The following RAB3C variants were observed in gnomAD, a reference collection of about 807,000 sequenced individuals.
The protein encoded by RAB3C is ras-related protein Rab-3C.
Under a neutral mutation model 26.4 loss-of-function variants are expected in RAB3C, and 17 were observed. That is an observed-to-expected ratio of 0.64 (90% CI 0.44 to 0.97). The LOEUF is 0.97. RAB3C is among the 50% of genes least tolerant of loss of function. The pLI, the probability that RAB3C is intolerant of heterozygous loss-of-function variation, is 0.00. For synonymous variants in RAB3C, 91 were observed against 95.9 expected, an observed-to-expected ratio of 0.95 and a Z score of 0.30; for missense variants, 242 against 281.9, an observed-to-expected ratio of 0.86 and a Z score of 1.01.
chr5:58,635,801 C>T (rs1328838608), intron 2 of RAB3C, among the ~76,000 whole-genome samples: 1 of 152,086 alleles, frequency 6.6e-6, no homozygotes, highest in Admixed American at 6.5e-5. Context: ...CATGATATAG[C>T]TAATAAGGTG....
rs979053533 is a variant in RAB3C at position 58,853,852 on chromosome 5, A to C, written c.*2501A>C. 2.0e-5 allele frequency: 3 copies of C among 152,158 alleles called. No individual in the cohort carries two copies. The highest frequency in any genetic ancestry group is 2.0e-4 in the Admixed American group (3 of 15,258). The allele number at this position is 152,158 out of a possible 1,614,324, so 9.4% of individuals were successfully genotyped here. A position where few individuals can be genotyped will look rare whatever the true frequency, so the allele number is the denominator to read the frequency against. ...GAGGTTTCCAGAGAAACAGTCACAGAGCTCAAGAGAAAGAACACTTAAATG... is the reference window on the plus strand; with the variant it reads ...GAGGTTTCCAGAGAAACAGTCACAGCGCTCAAGAGAAAGAACACTTAAATG... On this transcript the variant is annotated 3_prime_UTR_variant, in exon 5 of 5. Coordinates refer to ENST00000282878, the MANE Select transcript of RAB3C (RefSeq NM_138453.4).
intron 2 of RAB3C, among the ~76,000 whole-genome samples, chr5:58,696,844 C>G (rs1175607954): frequency 1.3e-5 from 2 of 151,954 alleles, no homozygotes; most frequent in Non-Finnish European, 2.9e-5. Context: ...AGCAGTCTAC[C>G]AATTTTGTTG....
intron 2 of RAB3C, among the ~76,000 whole-genome samples, chr5:58,687,207 C>A (rs1230017489): frequency 6.6e-6 from 1 of 152,054 alleles, no homozygotes; most frequent in East Asian, 1.9e-4. Flanking sequence ...CCACAAGATA[C>A]CAAAATAACC....
intron 2 of RAB3C, among the ~76,000 whole-genome samples, chr5:58,619,551 T>C (rs1299093770): frequency 6.6e-6 from 1 of 152,216 alleles, no homozygotes; most frequent in African/African-American, 2.4e-5. Context: ...ATGTTCTTTT[T>C]ACTAATATGA....
At chr5:58,715,724 G>C (rs1317026598) in intron 2 of RAB3C, among the ~76,000 whole-genome samples, 5 of 152,112 alleles carry the variant, frequency 3.3e-5, no homozygotes, top group Non-Finnish European at 5.9e-5. Flanking sequence ...TGAAGAAAGT[G>C]TAGTATCTGG....
At chr5:58,684,991 T>A (rs1226307408) in intron 2 of RAB3C, among the ~76,000 whole-genome samples, 1 of 152,196 alleles carries the variant, frequency 6.6e-6, no homozygotes. Context: ...ATGTTACTGA[T>A]AATATGTTAC....
In RAB3C at chr5:58,842,976, A is replaced by G. The variant is rs557624606; in HGVS notation, c.497-8188A>G. Reference sequence around the variant, plus strand: ...ACTGCCAAAATATAAGAAGATGGACATTAGGGATGTACAAAGGTTAAGAGT... The same window carrying G: ...ACTGCCAAAATATAAGAAGATGGACGTTAGGGATGTACAAAGGTTAAGAGT... On this transcript the variant is annotated intron_variant, in intron 4 of 4. Coordinates refer to ENST00000282878, the MANE Select transcript of RAB3C (RefSeq NM_138453.4). Among the ~76,000 whole-genome samples the G allele has an allele frequency of 4.6e-5, 7 of 152,348 alleles. No homozygotes were observed. In the South Asian group the frequency reaches 1.2e-3, roughly 27 times the overall value.
At chr5:58,766,031 A>G (rs181059281) in intron 3 of RAB3C, among the ~76,000 whole-genome samples, 1 of 151,972 alleles carries the variant, frequency 6.6e-6, no homozygotes, top group East Asian at 1.9e-4. Context: ...TTTCCTCCGC[A>G]TGATGCTCCC....
chr5:58,641,671 C>T (rs1747415274), intron 2 of RAB3C, among the ~76,000 whole-genome samples: 1 of 152,154 alleles, frequency 6.6e-6, no homozygotes, highest in Non-Finnish European at 1.5e-5. Context: ...CAGGAGTTTG[C>T]TGTCTGCTCT....
intron 2 of RAB3C, among the ~76,000 whole-genome samples, chr5:58,683,839 C>T (rs1029250358): frequency 1.3e-5 from 2 of 152,114 alleles, no homozygotes; most frequent in African/African-American, 2.4e-5. Context: ...GTCCCAATAT[C>T]GCAGTGCTTG....
intron 2 of RAB3C, among the ~76,000 whole-genome samples, chr5:58,641,400 T>C (rs947745929): frequency 3.9e-5 from 6 of 152,232 alleles, no homozygotes; most frequent in East Asian, 1.9e-4. Context: ...GGTAACAATT[T>C]ATTTTCATAT....
intron 3 of RAB3C, among the ~76,000 whole-genome samples, chr5:58,811,368 T>A (rs1743086390): frequency 6.6e-6 from 1 of 151,962 alleles, no homozygotes; most frequent in Non-Finnish European, 1.5e-5. Flanking sequence ...TGTGTGTATG[T>A]GTGTGTGTGT....
At chr5:58,803,465 T>C (rs1018631339) in intron 3 of RAB3C, among the ~76,000 whole-genome samples, 1 of 152,242 alleles carries the variant, frequency 6.6e-6, no homozygotes, top group Admixed American at 6.5e-5. Flanking sequence ...ACTATACTTA[T>C]ACTGCTCACT....
At chr5:58,669,351 A>G (rs1231916049) in intron 2 of RAB3C, among the ~76,000 whole-genome samples, 1 of 152,116 alleles carries the variant, frequency 6.6e-6, no homozygotes, top group African/African-American at 2.4e-5. Flanking sequence ...TTGAGATGCA[A>G]CCTCATGTTC....
chr5:58,710,073 A>C (rs1749025679), intron 2 of RAB3C, among the ~76,000 whole-genome samples: 1 of 152,162 alleles, frequency 6.6e-6, no homozygotes, highest in African/African-American at 2.4e-5. Context: ...AATGCCAGAC[A>C]AATAGGCTTA....
At chr5:58,716,460 A>G (rs1028820788) in intron 2 of RAB3C, among the ~76,000 whole-genome samples, 1 of 152,128 alleles carries the variant, frequency 6.6e-6, no homozygotes, top group South Asian at 2.1e-4. Flanking sequence ...GATCTTTGGT[A>G]TGACCTGTGT....
At chr5:58,801,664 G>T (rs1001971648) in intron 3 of RAB3C, among the ~76,000 whole-genome samples, 29 of 152,332 alleles carry the variant, frequency 1.9e-4, no homozygotes, top group African/African-American at 6.3e-4. Context: ...CTGGCCAGAG[G>T]CCAACTCTCT....
chr5:58,695,967 G>A (rs953697332), intron 2 of RAB3C, among the ~76,000 whole-genome samples: 1 of 152,198 alleles, frequency 6.6e-6, no homozygotes, highest in Non-Finnish European at 1.5e-5. Context: ...ATGTTGAATA[G>A]GAGTGGTGAG....
intron 1 of RAB3C, among the ~76,000 whole-genome samples, chr5:58,614,912 G>C (rs1423108392): frequency 6.6e-6 from 1 of 151,950 alleles, no homozygotes; most frequent in Non-Finnish European, 1.5e-5. Context: ...AATAACCACT[G>C]TTTACATAGC....
Sources: gnomAD v4.1 joint callset for allele counts (sites outside exome capture counted in the v4.1 genomes callset) on GRCh38, gnomAD v4.1.1 for gene constraint, MANE v1.5 for transcripts, NCBI Gene and HGNC (gene_info 2026-07-23, HGNC 2026-07-21) for gene names.